Variants in CSMD3 observed in about 807,000 individuals in gnomAD.
CSMD3 encodes CUB and Sushi multiple domains 3.
Under a neutral mutation model 435.2 loss-of-function variants are expected in CSMD3, and 177 were observed. The ratio of observed to expected loss-of-function variants is 0.41; its 90% confidence interval spans 0.36 to 0.46. CSMD3 has a LOEUF of 0.46. Among genes scored for constraint, CSMD3 ranks in the 20% least tolerant of loss-of-function variants. The probability of loss-of-function intolerance (pLI) is 0.34; values close to 1 mark genes in which losing one functional copy is unlikely to be tolerated. For synonymous variants in CSMD3, 1,656 were observed against 1,520.5 expected (o/e 1.09, Z -2.07); for missense variants, 4,265 against 4,504.6 (o/e 0.95, Z 1.52).
intron 3 of CSMD3, among the ~76,000 whole-genome samples, chr8:113,233,921 C>A (rs947894925): frequency 4.6e-5 from 7 of 151,924 alleles, no homozygotes; most frequent in African/African-American, 1.7e-4. Flanking sequence ...TAGCAGTAGC[C>A]AGAATTTCCA....
chr8:112,813,679 A>T (rs983504554), intron 12 of CSMD3, among the ~76,000 whole-genome samples: 3 of 152,152 alleles, frequency 2.0e-5, no homozygotes, highest in Non-Finnish European at 4.4e-5. Context: ...TTTATCTTCA[A>T]TAGTGTTCAT....
intron 13 of CSMD3, among the ~76,000 whole-genome samples, chr8:112,738,036 T>C (rs2077223809): frequency 6.6e-6 from 1 of 151,810 alleles, no homozygotes; most frequent in South Asian, 2.1e-4. Context: ...AAAAATAGTC[T>C]TGATCAGTAA....
intron 3 of CSMD3, among the ~76,000 whole-genome samples, chr8:113,249,882 G>A (rs1474013949): frequency 2.0e-5 from 3 of 151,696 alleles, no homozygotes; most frequent in African/African-American, 7.3e-5. Flanking sequence ...TAAGAAAGAT[G>A]GACTGATGAC....
At chr8:112,586,406 T>A (rs1046929737) in intron 23 of CSMD3, among the ~76,000 whole-genome samples, 6 of 151,652 alleles carry the variant, frequency 4.0e-5, no homozygotes, top group Admixed American at 3.9e-4. Context: ...AATATTTATA[T>A]TCAAAATATA....
intron 2 of CSMD3, among the ~76,000 whole-genome samples, chr8:113,304,987 T>G (rs1301865545): frequency 6.7e-6 from 1 of 149,224 alleles, no homozygotes; most frequent in Non-Finnish European, 1.5e-5. Flanking sequence ...AATGATGAGT[T>G]CATGTCCTTT....
chr8:112,276,891 C>T (rs1402741685), intron 59 of CSMD3, among the ~76,000 whole-genome samples: 1 of 151,946 alleles, frequency 6.6e-6, no homozygotes, highest in East Asian at 2.0e-4. Context: ...ACCTTGGTCC[C>T]TTTAGCCATG....
chr8:113,320,456 A>G (rs753691112), intron 1 of CSMD3, among the ~76,000 whole-genome samples: 3 of 152,048 alleles, frequency 2.0e-5, no homozygotes, highest in Non-Finnish European at 4.4e-5. Context: ...TAGTTTAATG[A>G]TGTTTTAATT....
intron 1 of CSMD3, among the ~76,000 whole-genome samples, chr8:113,421,911 G>C (rs1283648965): frequency 6.6e-6 from 1 of 152,124 alleles, no homozygotes; most frequent in Non-Finnish European, 1.5e-5. Context: ...CCAAGGACAG[G>C]TTTGAGTGAT....
chr8:112,793,299 CTCA>C (rs776765378), intron 13 of CSMD3, among the ~76,000 whole-genome samples: 145 of 149,596 alleles, frequency 9.7e-4, no homozygotes, highest in Non-Finnish European at 1.7e-3. Flanking sequence ...GAAGGTAATC[CTCA>C]TATTTCTATG....
At chr8:113,235,928 G>A (rs566648954) in intron 3 of CSMD3, among the ~76,000 whole-genome samples, 1 of 152,048 alleles carries the variant, frequency 6.6e-6, no homozygotes, top group African/African-American at 2.4e-5. Flanking sequence ...TATGGCCCAG[G>A]AAAGAACAAA....
chr8:112,327,671 C>T (rs1823633059), intron 45 of CSMD3, among the ~76,000 whole-genome samples: 2 of 152,132 alleles, frequency 1.3e-5, no homozygotes, highest in South Asian at 4.1e-4. Context: ...GCCCCACCAA[C>T]TTTTAAACAC....
At chr8:112,643,909 G>A (rs949659887) in intron 20 of CSMD3, among the ~76,000 whole-genome samples, 10 of 151,764 alleles carry the variant, frequency 6.6e-5, no homozygotes, top group Non-Finnish European at 1.2e-4. Context: ...TTCTGAAAAC[G>A]CAAATTTAAA....
At chr8:113,407,044 A>C (rs1387674301) in intron 1 of CSMD3, among the ~76,000 whole-genome samples, 1 of 152,182 alleles carries the variant, frequency 6.6e-6, no homozygotes, top group East Asian at 1.9e-4. Context: ...AGTAGACTAC[A>C]AAAGTTAGAA....
intron 16 of CSMD3, among the ~76,000 whole-genome samples, chr8:112,674,627 TA>T (rs1168589116): frequency 6.6e-6 from 1 of 152,162 alleles, no homozygotes; most frequent in Non-Finnish European, 1.5e-5. Context: ...CATCACTGAC[TA>T]ATCAAACTGT....
At chr8:113,374,366 A>G (rs1390760615) in intron 1 of CSMD3, among the ~76,000 whole-genome samples, 1 of 152,102 alleles carries the variant, frequency 6.6e-6, no homozygotes, top group African/African-American at 2.4e-5. Context: ...TATTATTTTA[A>G]CGAATGAGAC....
intron 5 of CSMD3, among the ~76,000 whole-genome samples, chr8:113,080,531 C>G (rs911422850): frequency 6.6e-6 from 1 of 152,028 alleles, no homozygotes; most frequent in African/African-American, 2.4e-5. Flanking sequence ...AAATATCTCC[C>G]TAATGCAATA....
intron 3 of CSMD3, among the ~76,000 whole-genome samples, chr8:113,253,710 T>C (rs922650621): frequency 1.3e-5 from 2 of 151,786 alleles, no homozygotes; most frequent in Admixed American, 1.3e-4. Flanking sequence ...CATGGTGATG[T>C]GTGCTGTAAG....
chr8:112,640,985 A>T (rs2074808703), intron 20 of CSMD3, among the ~76,000 whole-genome samples: 1 of 152,292 alleles, frequency 6.6e-6, no homozygotes, highest in Non-Finnish European at 1.5e-5. Flanking sequence ...TTAATTAATT[A>T]TCGGTGCCAA....
intron 13 of CSMD3, among the ~76,000 whole-genome samples, chr8:112,733,563 CAT>C (rs962416161): frequency 4.6e-5 from 7 of 151,780 alleles, no homozygotes; most frequent in African/African-American, 1.4e-4. Flanking sequence ...AAACTACAGA[CAT>C]AAATATAAAG....
Sources: gnomAD v4.1 joint callset for allele counts (sites outside exome capture counted in the v4.1 genomes callset) on GRCh38, gnomAD v4.1.1 for gene constraint, MANE v1.5 for transcripts, NCBI Gene and HGNC (gene_info 2026-07-23, HGNC 2026-07-21) for gene names.